Variants in STK38L observed in about 807,000 individuals in gnomAD.
STK38L encodes serine/threonine-protein kinase 38-like.
STK38L carries 28 observed loss-of-function variants against 59.7 expected under a neutral mutation model. The ratio of observed to expected loss-of-function variants is 0.47; its 90% CI spans 0.35 to 0.64. The LOEUF is 0.64. Ranked by LOEUF, STK38L falls within the 30% of genes least tolerant of loss-of-function variation. The pLI is 0.01. For synonymous variants in STK38L, 162 were observed against 176.8 expected, an observed-to-expected ratio of 0.92 and a Z score of 0.66; for missense variants, 314 against 555.8, an observed-to-expected ratio of 0.56 and a Z score of 4.37.
At chr12:27,306,872 A>T (rs1347105194) in intron 3 of STK38L, among the ~76,000 whole-genome samples, 3 of 152,024 alleles carry the variant, frequency 2.0e-5, no homozygotes, top group Non-Finnish European at 4.4e-5. Context: ...TCCTGAGTAC[A>T]GGTGCATGCC....
Position 27,309,160 on chromosome 12 carries a change from A to G in STK38L, c.356A>G (p.Lys119Arg). ...KKDTGHIYAM[K>R]ILRKSDMLEK... ...GATACAGGCCATATCTATGCAATGA[A>G]GATATTGAGAAAGTCTGATATGCTT... is the stretch of plus-strand genomic sequence containing the variant. Residue 119 changes from lysine to arginine, a missense_variant, in exon 5 of 14, where the codon AAG (lysine) becomes AGG (arginine). By Grantham distance (26) the Lys-to-Arg change is conservative. Around this residue, in one of 3 missense-constraint regions of STK38L, gnomAD observed 192 missense variants for 316.9 expected, o/e 0.61. Transcript: ENST00000389032. 1 of 1,603,506 alleles carries G rather than the reference A, an allele frequency of 6.2e-7. No individual in the cohort carries two copies. The highest frequency in any genetic ancestry group is 8.5e-7 in the Non-Finnish European group (1 of 1,174,952).
At chr12:27,306,704 G>A (rs992248863) in intron 3 of STK38L, among the ~76,000 whole-genome samples, 32 of 78,798 alleles carry the variant, frequency 4.1e-4, no homozygotes, top group African/African-American at 1.4e-3. Flanking sequence ...GGTATTTCAG[G>A]AATTTTATAA....
At chr12:27,306,130 ACT>A (rs1944305597) in intron 3 of STK38L, among the ~76,000 whole-genome samples, 1 of 152,008 alleles carries the variant, frequency 6.6e-6, no homozygotes, top group Non-Finnish European at 1.5e-5. Flanking sequence ...TACACTTGTG[ACT>A]CTCTCTTTTT....
At chr12:27,300,152 G>A (rs1591915086) in intron 2 of STK38L, among the ~76,000 whole-genome samples, 1 of 152,068 alleles carries the variant, frequency 6.6e-6, no homozygotes, top group East Asian at 1.9e-4. Context: ...AAAAAAAGTA[G>A]TCTCAGCTTG....
intron 3 of STK38L, among the ~76,000 whole-genome samples, chr12:27,304,274 A>AAAAAAAGAG (rs1944253755): frequency 6.6e-6 from 1 of 151,664 alleles, no homozygotes; most frequent in African/African-American, 2.4e-5. Context: ...AAAAAAAAAA[A>AAAAAAAGAG]AAAAAAGAGT....
intron 1 of STK38L, among the ~76,000 whole-genome samples, chr12:27,260,433 G>T (rs1008884141): frequency 6.6e-6 from 1 of 152,094 alleles, no homozygotes; most frequent in Non-Finnish European, 1.5e-5. Flanking sequence ...AACCTAATAA[G>T]TGTGAATTCT....
intron 1 of STK38L, among the ~76,000 whole-genome samples, chr12:27,270,291 T>A (rs1193986956): frequency 6.6e-6 from 1 of 152,158 alleles, no homozygotes; most frequent in Non-Finnish European, 1.5e-5. Context: ...CACTGTAACC[T>A]GTACCTCCCA....
chr12:27,295,552 TC>T (rs1398910802), intron 1 of STK38L, among the ~76,000 whole-genome samples: 1 of 151,634 alleles, frequency 6.6e-6, no homozygotes, highest in Non-Finnish European at 1.5e-5. Context: ...GCCCCCTCCC[TC>T]CCCCCAATCA....
intron 3 of STK38L, among the ~76,000 whole-genome samples, chr12:27,306,002 A>G (rs1368181295): frequency 2.0e-5 from 3 of 152,152 alleles, no homozygotes; most frequent in African/African-American, 7.2e-5. Context: ...CATGAATTTG[A>G]TTCAGCTACC....
At chr12:27,296,241 A>G (rs1565542244) in intron 1 of STK38L, among the ~76,000 whole-genome samples, 1 of 152,234 alleles carries the variant, frequency 6.6e-6, no homozygotes, top group East Asian at 1.9e-4. Context: ...TATTGATCAT[A>G]TGTAGCTAAT....
At chr12:27,311,727 T>C (rs1944458049) in intron 5 of STK38L, among the ~76,000 whole-genome samples, 1 of 148,654 alleles carries the variant, frequency 6.7e-6, no homozygotes, top group South Asian at 2.1e-4. Context: ...GGTTTTATAT[T>C]ATAACAATAA....
At position 27,323,014 on chromosome 12, in the gene STK38L, C is replaced by T. The variant is rs189156369; in HGVS notation, c.*559C>T. ...GTTTTAAGAGATTTAAAAAGAAATT[C>T]ACTGGTTCTTTACAAAATAGAATTT... On this transcript the variant is annotated 3_prime_UTR_variant, in exon 14 of 14. Transcript: ENST00000389032. 6.6e-6 allele frequency: 1 copy of T among 152,246 alleles called. No homozygotes were observed. 9.4% of individuals were successfully genotyped at this position (152,246 alleles called of 1,614,324 possible).
At chr12:27,281,832 G>A (rs1328179592) in intron 1 of STK38L, among the ~76,000 whole-genome samples, 2 of 151,966 alleles carry the variant, frequency 1.3e-5, no homozygotes, top group African/African-American at 2.4e-5. Flanking sequence ...GTCAGGAGTT[G>A]GAGACCACCC....
At chr12:27,272,551 T>C (rs1591871388) in intron 1 of STK38L, among the ~76,000 whole-genome samples, 1 of 152,234 alleles carries the variant, frequency 6.6e-6, no homozygotes, top group African/African-American at 2.4e-5. Flanking sequence ...ACAGATTGAA[T>C]TCCATATTTG....
At chr12:27,282,457 GAAAT>G (rs1228203653) in intron 1 of STK38L, among the ~76,000 whole-genome samples, 2 of 152,010 alleles carry the variant, frequency 1.3e-5, no homozygotes, top group East Asian at 3.8e-4. Context: ...GCTTACAAAA[GAAAT>G]AGTTACATAA....
intron 3 of STK38L, 25 bp downstream of exon 3, chr12:27,302,213 G>T (rs753078258): frequency 1.9e-6 from 3 of 1,548,056 alleles, no homozygotes. Context: ...TATAATTACT[G>T]TACAAAAGCA....
chr12:27,253,432 A>G (rs932643494), intron 1 of STK38L, among the ~76,000 whole-genome samples: 1 of 32,522 alleles, frequency 3.1e-5, no homozygotes, highest in African/African-American at 2.4e-4. Flanking sequence ...AGAGACTTGC[A>G]TGGATGGGTC....
At chr12:27,255,963 C>T (rs1348517632) in intron 1 of STK38L, among the ~76,000 whole-genome samples, 2 of 152,208 alleles carry the variant, frequency 1.3e-5, no homozygotes, top group Admixed American at 1.3e-4. Flanking sequence ...TGCTCCTTAG[C>T]TTTCCCAGTG....
intron 1 of STK38L, among the ~76,000 whole-genome samples, chr12:27,288,299 T>TTAAATTTAAA (rs1943821598): frequency 6.6e-6 from 1 of 152,226 alleles, no homozygotes; most frequent in Non-Finnish European, 1.5e-5. Context: ...TTTTAAAGCA[T>TTAAATTTAAA]ACATTTATTT....
Sources: allele counts gnomAD v4.1 joint callset (sites outside exome capture counted in the v4.1 genomes callset), GRCh38; gene constraint gnomAD v4.1.1; regional missense constraint gnomAD v4.1.1; transcripts MANE v1.5; gene names NCBI Gene and HGNC (gene_info 2026-07-23, HGNC 2026-07-21).